The following COL7A1 variants were observed in gnomAD, a reference collection of about 807,000 sequenced individuals.
COL7A1 encodes the protein collagen type VII alpha 1 chain, also known as collagen alpha-1(VII) chain.
COL7A1 carries 296 observed loss-of-function variants against 456.2 expected under a neutral mutation model. The ratio of observed to expected loss-of-function variants is 0.65; its 90% confidence interval spans 0.59 to 0.71. COL7A1 has a LOEUF of 0.71. Ranked by LOEUF, COL7A1 falls within the 30% of genes least tolerant of loss-of-function variation. The pLI is 0.00. For missense variants in COL7A1, 3,441 were observed against 4,017.2 expected (o/e 0.86, Z 3.88); for synonymous variants, 1,464 against 1,525.9 (o/e 0.96, Z 0.95).
rs746880954 is a variant in COL7A1, at chr3:48,567,044, G to A, written c.8110-21C>T. On this transcript the variant is annotated intron_variant, in intron 110 of 118. Coordinates refer to ENST00000681320, the MANE Select transcript of COL7A1 (RefSeq NM_000094.4). The surrounding 1 kb of genome is among the most constrained non-coding windows in gnomAD (Gnocchi z 4.3). ...GTTCCCTGGGGAGATATAGGACAGA[G>A]TCAGTAATCAGAGGCCCCAGAGATG... The A allele has an allele frequency of 1.2e-6, 2 of 1,613,424 alleles. No homozygotes were observed. The highest frequency in any genetic ancestry group is 1.1e-5 in the South Asian group (1 of 91,068).
intron 47 of COL7A1, 95 bp downstream of exon 47, chr3:48,582,228 C>G: frequency 6.2e-7 from 1 of 1,602,956 alleles, no homozygotes. Context: ...CTCACGGGCC[C>G]AGCACTGTGG....
In COL7A1 at chr3:48,564,247, G is replaced by T; in HGVS notation, c.*159C>A. On this transcript the variant is annotated 3_prime_UTR_variant, in exon 119 of 119. Coordinates refer to ENST00000681320, the MANE Select transcript of COL7A1 (RefSeq NM_000094.4). The surrounding 1 kb of genome is among the most constrained non-coding windows in gnomAD (Gnocchi z 6.0). ...CACAATGGGGGTTTGTCCACAGGGG[G>T]GAAGGCTAGACCCACGGGACCAAGT... The T allele has an allele frequency of 1.2e-6, 1 of 865,522 alleles. No individual in the cohort carries two copies. Among genetic ancestry groups the T allele is most frequent in the Non-Finnish European group, 1.9e-6 (1 of 530,238 alleles). 53.6% of individuals were successfully genotyped at this position (865,522 alleles called of 1,614,324 possible). A position where few individuals can be genotyped will look rare whatever the true frequency, so the allele number is the denominator to read the frequency against.
chr3:48,573,048 C>A lies in COL7A1; in HGVS notation c.6723G>T (p.Gln2241His). Residue 2241 changes from glutamine (Q) to histidine (H), a missense_variant, in exon 86 of 119, where the codon CAG becomes CAT. Transcript: ENST00000681320. This position sits in a 1 kb window ranked among gnomAD's most constrained non-coding sequence, Gnocchi z 5.5. The stretch of plus-strand genomic sequence containing the variant: ...CTTGTCCAGGCAAACCTGGAGACCC[C>A]TGTGGACCCTGACGGAGAACAAGTC... Reference protein sequence around the residue: ...PPGPSGLVGPQGSPGLPGQVG... With the variant: ...PPGPSGLVGPHGSPGLPGQVG... 1 of 1,614,154 alleles carries A rather than the reference C, an allele frequency of 6.2e-7. No individual in the cohort carries two copies. The highest frequency in any genetic ancestry group is 8.5e-7 in the Non-Finnish European group (1 of 1,180,024).
rs1467333045 is a variant in COL7A1 at position 48,583,988 on chromosome 3, G to C, written c.4225-35C>G. 1 of 1,613,868 alleles carries C rather than the reference G, an allele frequency of 6.2e-7. No individual in the cohort carries two copies. Among genetic ancestry groups the C allele is most frequent in the Non-Finnish European group, 8.5e-7 (1 of 1,179,988 alleles). ...AACAGCAGGTCAGGGAATGAACAGG[G>C]GAATCAGACTCCAAGCCACCCCTAG... On this transcript the variant is annotated intron_variant, in intron 38 of 118. Transcript: ENST00000681320. This position sits in a 1 kb window ranked among gnomAD's most constrained non-coding sequence, Gnocchi z 5.1.
In COL7A1 at chr3:48,575,122, C is replaced by T; in HGVS notation, c.6221G>A (p.Arg2074Lys). ...GEKGERGEQG[R>K]DGPPGLPGTP... ...TCCAGGGAGTCCAGGAGGGCCATCT[C>T]TGCCCTGCAGGAAACAAGAAAATGG... Residue 2074 changes from arginine (R) to lysine (K), a missense_variant, in exon 76 of 119, where the codon AGA (arginine) becomes AAA (lysine). Coordinates refer to ENST00000681320, the MANE Select transcript of COL7A1 (RefSeq NM_000094.4). The surrounding 1 kb of genome is among the most constrained non-coding windows in gnomAD (Gnocchi z 6.3). 1 of 1,613,764 alleles carries T rather than the reference C, an allele frequency of 6.2e-7. No homozygotes were observed. Among genetic ancestry groups the T allele is most frequent in the African/African-American group, 1.3e-5 (1 of 74,962 alleles).
chr3:48,567,421 A>C lies in COL7A1; in HGVS notation c.8046+153T>G, dbSNP rs1575418405. ...TCATCCTAACTCCACTGTGACCCCA[A>C]CCCACCTTGACACCTCGAGACCAGC... is the stretch of plus-strand genomic sequence containing the variant. On this transcript the variant is annotated intron_variant, in intron 109 of 118. Coordinates refer to ENST00000681320, the MANE Select transcript of COL7A1 (RefSeq NM_000094.4). The surrounding 1 kb of genome is among the most constrained non-coding windows in gnomAD (Gnocchi z 4.3). 8.8e-7 allele frequency: 1 copy of C among 1,142,682 alleles called. No individual in the cohort carries two copies. Among genetic ancestry groups the C allele is most frequent in the Non-Finnish European group, 1.3e-6 (1 of 774,152 alleles). 70.8% of individuals were successfully genotyped at this position (1,142,682 alleles called of 1,614,324 possible).
At position 48,565,435 on chromosome 3, in the gene COL7A1, G is replaced by C. The variant is rs201339290; in HGVS notation, c.8502C>G (p.Leu2834=). The C allele has an allele frequency of 9.9e-6, 16 of 1,612,588 alleles. No homozygotes were observed. The African/African-American group carries it at 1.6e-4, about 16-fold the overall frequency. ...CTTCCTCCTCTGCATGAGAGACGCG[G>C]AGCACAGGCACAGCATGGAGCTGGG... The part of the protein sequence containing the change: ...AGSQLHAVPV[L]RVSHAEEEER... Residue 2834 remains leucine (L), a synonymous_variant, in exon 116 of 119, where the codon CTC becomes CTG. Transcript: ENST00000681320. The surrounding 1 kb of genome is among the most constrained non-coding windows in gnomAD (Gnocchi z 4.5).
At position 48,574,921 on chromosome 3, in the gene COL7A1, T is replaced by C. The variant is rs2044185273; in HGVS notation, c.6280-56A>G. ...TCTCTGTCATAGAGGCATGGGGGAG[T>C]CATCACAGATCTCAGGATCACAGAG... On this transcript the variant is annotated intron_variant, in intron 76 of 118. Coordinates refer to ENST00000681320, the MANE Select transcript of COL7A1 (RefSeq NM_000094.4). The surrounding 1 kb of genome is among the most constrained non-coding windows in gnomAD (Gnocchi z 5.0). 1 of 1,599,324 alleles carries C rather than the reference T, an allele frequency of 6.3e-7. No homozygotes were observed. Among genetic ancestry groups the C allele is most frequent in the African/African-American group, 1.4e-5 (1 of 74,064 alleles).
chr3:48,583,828 C>CACCCA lies in COL7A1; in HGVS notation c.4279-53_4279-49dup. 6.2e-7 allele frequency: 1 copy of CACCCA among 1,613,538 alleles called. No individual in the cohort carries two copies. The highest frequency in any genetic ancestry group is 8.5e-7 in the Non-Finnish European group (1 of 1,179,704). The stretch of plus-strand genomic sequence containing the variant: ...ATGAGCCAAGAACTATGAAGCCCAG[C>CACCCA]ACCCAACCACTGCCCCAGGAGAGAC... On this transcript the variant is annotated intron_variant, in intron 39 of 118. Coordinates refer to ENST00000681320, the MANE Select transcript of COL7A1 (RefSeq NM_000094.4). The surrounding 1 kb of genome is among the most constrained non-coding windows in gnomAD (Gnocchi z 5.1).
rs1474174215 is a variant in COL7A1, at chr3:48,591,758, C to T, written c.1422G>A (p.Leu474=). Residue 474 remains leucine (L), a synonymous_variant, in exon 12 of 119, where the codon CTG becomes CTA. Coordinates refer to ENST00000681320, the MANE Select transcript of COL7A1 (RefSeq NM_000094.4). This position sits in a 1 kb window ranked among gnomAD's most constrained non-coding sequence, Gnocchi z 7.0. Reference sequence around the variant, plus strand: ...TGAGGCGGTACTCAGTGCCCGGCTGCAGCCCATCCAACTGGTAGCGGGTCA... The same window carrying T: ...TGAGGCGGTACTCAGTGCCCGGCTGTAGCCCATCCAACTGGTAGCGGGTCA... The part of the protein sequence containing the change: ...SDVTRYQLDG[L]QPGTEYRLTL... The T allele has an allele frequency of 8.1e-6, 13 of 1,614,076 alleles. No individual in the cohort carries two copies. Among genetic ancestry groups the T allele is most frequent in the Non-Finnish European group, 1.1e-5 (13 of 1,180,042 alleles).
chr3:48,570,724 G>T lies in COL7A1; in HGVS notation c.7273-14C>A. The T allele has an allele frequency of 6.4e-7, 1 of 1,570,230 alleles. No individual in the cohort carries two copies. Among genetic ancestry groups the T allele is most frequent in the Non-Finnish European group, 8.6e-7 (1 of 1,156,474 alleles). ...GCCTGCCAGACCCTACCAGAAAAAT[G>T]GGGCAAGAGAGGCAGAGAGTGACTT... On this transcript the variant is annotated splice_polypyrimidine_tract_variant and intron_variant, in intron 95 of 118. Coordinates refer to ENST00000681320, the MANE Select transcript of COL7A1 (RefSeq NM_000094.4). This position sits in a 1 kb window ranked among gnomAD's most constrained non-coding sequence, Gnocchi z 5.5.
rs1229703054 is a variant in COL7A1, at chr3:48,573,848, T to A, written c.6537+7A>T. ...GGCAAGACAGGTGAAGGTTCTTGGG[T>A]ACTCACCACTGGGCCAGGGGGGCCT... On this transcript the variant is annotated splice_region_variant and intron_variant, in intron 81 of 118. Coordinates refer to ENST00000681320, the MANE Select transcript of COL7A1 (RefSeq NM_000094.4). The surrounding 1 kb of genome is among the most constrained non-coding windows in gnomAD (Gnocchi z 5.5). 5 of 1,613,742 alleles carry A rather than the reference T, an allele frequency of 3.1e-6. No individual in the cohort carries two copies. The highest frequency in any genetic ancestry group is 1.3e-5 in the African/African-American group (1 of 74,846).
At position 48,583,863 on chromosome 3, in the gene COL7A1, TGA is replaced by T. The variant is rs2044983895; in HGVS notation, c.4278+35_4278+36del. The T allele has an allele frequency of 6.2e-7, 1 of 1,613,520 alleles. No homozygotes were observed. Among genetic ancestry groups the T allele is most frequent in the South Asian group, 1.1e-5 (1 of 91,078 alleles). On this transcript the variant is annotated intron_variant, in intron 39 of 118. Transcript: ENST00000681320. The surrounding 1 kb of genome is among the most constrained non-coding windows in gnomAD (Gnocchi z 5.1). ...CTGCCCCAGGAGAGACCCACACCCC[TGA>T]GCAGGGCCCCCAGCAGAGCCTCAAG...
Position 48,567,767 on chromosome 3 carries a change from C to A in COL7A1, c.7930-4G>T. On this transcript the variant is annotated splice_region_variant and splice_polypyrimidine_tract_variant and intron_variant, in intron 107 of 118. Coordinates refer to ENST00000681320, the MANE Select transcript of COL7A1 (RefSeq NM_000094.4). The surrounding 1 kb of genome is among the most constrained non-coding windows in gnomAD (Gnocchi z 4.3). ...GGCCTGGGGGACCAGCTTCTCCCTGCAGGCATCAGGCAGTGGGGTGAGCCT... is the reference window on the plus strand; with the variant it reads ...GGCCTGGGGGACCAGCTTCTCCCTGAAGGCATCAGGCAGTGGGGTGAGCCT... 6.2e-7 allele frequency: 1 copy of A among 1,614,184 alleles called. No homozygotes were observed. The highest frequency in any genetic ancestry group is 8.5e-7 in the Non-Finnish European group (1 of 1,180,030).
Position 48,566,795 on chromosome 3 carries a change from C to G in COL7A1, c.8227-58G>C. On this transcript the variant is annotated intron_variant, in intron 111 of 118. Transcript: ENST00000681320. This position sits in a 1 kb window ranked among gnomAD's most constrained non-coding sequence, Gnocchi z 5.9. ...AGAGGCAGTGGGGATCAGAGTCAGG[C>G]AGGTTGGGGGCCACAGCTTCAGAGG... is the stretch of plus-strand genomic sequence containing the variant. 2 of 1,605,280 alleles carry G rather than the reference C, an allele frequency of 1.2e-6. No individual in the cohort carries two copies. Among genetic ancestry groups the G allele is most frequent in the Non-Finnish European group, 1.7e-6 (2 of 1,173,484 alleles).
Position 48,572,204 on chromosome 3 carries a change from T to C in COL7A1, c.6979-33A>G. The C allele has an allele frequency of 6.2e-7, 1 of 1,614,026 alleles. No homozygotes were observed. Among genetic ancestry groups the C allele is most frequent in the Non-Finnish European group, 8.5e-7 (1 of 1,179,978 alleles). ...CAGAGGTCAGGAGGCAACACAGGCATCAGTCACAGAAAGATGAGACTCCGG... is the reference window on the plus strand; with the variant it reads ...CAGAGGTCAGGAGGCAACACAGGCACCAGTCACAGAAAGATGAGACTCCGG... On this transcript the variant is annotated intron_variant, in intron 90 of 118. Transcript: ENST00000681320. The surrounding 1 kb of genome is among the most constrained non-coding windows in gnomAD (Gnocchi z 4.6).
At position 48,587,081 on chromosome 3, in the gene COL7A1, A is replaced by G. The variant is rs1024157472; in HGVS notation, c.3167T>C (p.Val1056Ala). 6.2e-7 allele frequency: 1 copy of G among 1,611,896 alleles called. No individual in the cohort carries two copies. The highest frequency in any genetic ancestry group is 8.5e-7 in the Non-Finnish European group (1 of 1,179,156). Residue 1056 changes from valine (V) to alanine (A), a missense_variant, in exon 25 of 119, where the codon GTG (valine) becomes GCG (alanine). Coordinates refer to ENST00000681320, the MANE Select transcript of COL7A1 (RefSeq NM_000094.4). This position sits in a 1 kb window ranked among gnomAD's most constrained non-coding sequence, Gnocchi z 6.1. The part of the protein sequence containing the change: ...PVCPRGLADV[V>A]FLPHATQDNA... ...GTCTTGAGTGGCATGTGGTAGGAAC[A>G]CCACATCCGCCAGGCCACGGGGGCA...
rs1460029757 is a variant in COL7A1 at position 48,583,650 on chromosome 3, G to A, written c.4342-35C>T. On this transcript the variant is annotated intron_variant, in intron 40 of 118. Transcript: ENST00000681320. This position sits in a 1 kb window ranked among gnomAD's most constrained non-coding sequence, Gnocchi z 5.1. ...AAACACACGGGTGGGAAGACCGAAGGGAGGCCCTGCCCCCAGCACGCAGCC... is the reference window on the plus strand; with the variant it reads ...AAACACACGGGTGGGAAGACCGAAGAGAGGCCCTGCCCCCAGCACGCAGCC... 2 of 1,613,876 alleles carry A rather than the reference G, an allele frequency of 1.2e-6. No homozygotes were observed. Among genetic ancestry groups the A allele is most frequent in the African/African-American group, 1.3e-5 (1 of 75,030 alleles).
Position 48,567,504 on chromosome 3 carries a change from A to C in COL7A1, c.8046+70T>G. On this transcript the variant is annotated intron_variant, in intron 109 of 118. Transcript: ENST00000681320. This position sits in a 1 kb window ranked among gnomAD's most constrained non-coding sequence, Gnocchi z 4.3. ...CAGCCTTCCTTGTCCCTACACCCCC[A>C]TGACCCGACCATGAGCTTCCCTGCC... 3.8e-5 allele frequency: 60 copies of C among 1,598,738 alleles called. No individual in the cohort carries two copies. The highest frequency in any genetic ancestry group is 4.8e-5 in the Non-Finnish European group (56 of 1,167,114).
Sources: gnomAD v4.1 joint callset for allele counts on GRCh38, gnomAD v4.1.1 for gene constraint, Gnocchi (gnomAD v3.1) non-coding constraint, MANE v1.5 for transcripts, NCBI Gene and HGNC (gene_info 2026-07-23, HGNC 2026-07-21) for gene names.